The following GRM8 variants were observed in gnomAD, a reference collection of about 807,000 sequenced individuals.
GRM8 encodes metabotropic glutamate receptor 8.
In GRM8, 47 loss-of-function variants were observed where a neutral mutation model predicts 87.2. That is an observed-to-expected ratio of 0.54 (90% CI 0.43 to 0.69). GRM8 has a LOEUF of 0.69. Among genes scored for constraint, GRM8 ranks in the 30% least tolerant of loss-of-function variants. The probability of loss-of-function intolerance (pLI) is 0.00; values close to 1 mark genes in which losing one functional copy is unlikely to be tolerated. For synonymous variants in GRM8, 396 were observed against 404.5 expected (o/e 0.98, Z 0.25); for missense variants, 1,019 against 1,139.2 (o/e 0.89, Z 1.52).
intron 2 of GRM8, among the ~76,000 whole-genome samples, chr7:127,135,283 G>A (rs1827885508): frequency 6.6e-6 from 1 of 152,026 alleles, no homozygotes; most frequent in Admixed American, 6.6e-5. Context: ...ATAAATCTGA[G>A]CTTTGTGTAA....
chr7:127,016,964 TAAAAGAA>T (rs909611018), intron 3 of GRM8, among the ~76,000 whole-genome samples: 16 of 152,088 alleles, frequency 1.1e-4, no homozygotes, highest in Non-Finnish European at 1.8e-4. Context: ...CTATTTTCTA[TAAAAGAA>T]AAATGCCCAT....
intron 9 of GRM8, among the ~76,000 whole-genome samples, chr7:126,447,598 T>C (rs1247996201): frequency 6.6e-6 from 1 of 151,686 alleles, no homozygotes; most frequent in Non-Finnish European, 1.5e-5. Flanking sequence ...AAATAAAGAA[T>C]CAAAAACAAA....
chr7:126,825,642 GA>G (rs529660263), intron 6 of GRM8, among the ~76,000 whole-genome samples: 6 of 151,860 alleles, frequency 4.0e-5, no homozygotes, highest in Admixed American at 2.0e-4. Flanking sequence ...AACCTACCAA[GA>G]AAAAAAGTTG....
chr7:126,649,111 T>C (rs536938273), intron 7 of GRM8, among the ~76,000 whole-genome samples: 4 of 152,310 alleles, frequency 2.6e-5, no homozygotes, highest in Middle Eastern at 3.4e-3. Flanking sequence ...ATAAATGTGA[T>C]AACAGAGACA....
intron 7 of GRM8, among the ~76,000 whole-genome samples, chr7:126,681,225 C>T (rs756118743): frequency 2.0e-5 from 3 of 152,192 alleles, no homozygotes; most frequent in Non-Finnish European, 4.4e-5. Context: ...AGCTAGCCCA[C>T]TAGAACTCCC....
intron 9 of GRM8, among the ~76,000 whole-genome samples, chr7:126,526,385 T>C (rs559921909): frequency 6.6e-6 from 1 of 152,192 alleles, no homozygotes; most frequent in Non-Finnish European, 1.5e-5. Flanking sequence ...TCAATCATAT[T>C]CAGAAAGTTC....
intron 3 of GRM8, among the ~76,000 whole-genome samples, chr7:127,015,064 G>GAAGAAGAAGAAGAAGAAGAAGA: frequency 1.1e-5 from 1 of 87,926 alleles, no homozygotes; most frequent in Admixed American, 1.2e-4. Flanking sequence ...AGAAGAAGAA[G>GAAGAAGAAGAAGAAGAAGAAGA]AAGAAAGAAA....
At chr7:126,773,686 C>G (rs1271377040) in intron 6 of GRM8, among the ~76,000 whole-genome samples, 1 of 152,092 alleles carries the variant, frequency 6.6e-6, no homozygotes, top group Non-Finnish European at 1.5e-5. Context: ...TACATATACT[C>G]TTCCTCAGCA....
rs558802243 is a variant in GRM8 at position 126,533,141 on chromosome 7, G to C, written c.2241C>G (p.Leu747=). 6.8e-6 allele frequency: 11 copies of C among 1,613,026 alleles called. No homozygotes were observed. In the African/African-American group the frequency reaches 1.5e-4, roughly 22 times the overall value. ...TGTATCCAAGTGAACAAATGAGTGA[G>C]AGATCAGAAATGTCACACTTGAGCA... is the stretch of plus-strand genomic sequence containing the variant. ...RGVLKCDISD[L]SLICSLGYSI... Residue 747 remains leucine (L), a synonymous_variant, in exon 9 of 11, where the codon CTC becomes CTG. Transcript: ENST00000339582.
chr7:127,219,885 C>G (rs1300533664), intron 2 of GRM8, among the ~76,000 whole-genome samples: 1 of 152,178 alleles, frequency 6.6e-6, no homozygotes, highest in East Asian at 1.9e-4. Context: ...TGGGAGCAAA[C>G]AGACTCCTCC....
intron 2 of GRM8, among the ~76,000 whole-genome samples, chr7:127,162,615 G>A (rs1317644370): frequency 6.6e-6 from 1 of 152,162 alleles, no homozygotes; most frequent in East Asian, 1.9e-4. Context: ...AATAGTAAAA[G>A]GATTTATTTA....
chr7:127,214,331 A>G (rs368439999), intron 2 of GRM8, among the ~76,000 whole-genome samples: 2 of 152,302 alleles, frequency 1.3e-5, no homozygotes, highest in African/African-American at 4.8e-5. Flanking sequence ...ACATTAATTT[A>G]TGGAAATTCA....
intron 2 of GRM8, among the ~76,000 whole-genome samples, chr7:127,116,456 C>G (rs1173690946): frequency 6.6e-6 from 1 of 152,114 alleles, no homozygotes; most frequent in Non-Finnish European, 1.5e-5. Flanking sequence ...ACATGGTCCT[C>G]CCAGCCCCAT....
intron 9 of GRM8, among the ~76,000 whole-genome samples, chr7:126,474,484 G>T (rs1334173704): frequency 6.6e-6 from 1 of 152,102 alleles, no homozygotes; most frequent in Non-Finnish European, 1.5e-5. Flanking sequence ...GCCCAGGCTG[G>T]TCTTGAATTC....
chr7:127,133,154 T>C (rs1827777180), intron 2 of GRM8, among the ~76,000 whole-genome samples: 1 of 150,866 alleles, frequency 6.6e-6, no homozygotes, highest in Non-Finnish European at 1.5e-5. Flanking sequence ...GCGCGGTGGC[T>C]CACGCCTGTA....
chr7:126,935,585 C>T (rs1367033993), intron 3 of GRM8, among the ~76,000 whole-genome samples: 1 of 152,150 alleles, frequency 6.6e-6, no homozygotes, highest in Non-Finnish European at 1.5e-5. Flanking sequence ...AAGGCCAGAG[C>T]ATCAGATCTG....
At chr7:126,484,994 T>C (rs774393525) in intron 9 of GRM8, among the ~76,000 whole-genome samples, 1 of 152,012 alleles carries the variant, frequency 6.6e-6, no homozygotes, top group Non-Finnish European at 1.5e-5. Context: ...GCTTAAGTCA[T>C]ACTATGGACC....
chr7:126,572,420 C>T (rs1794761960), intron 8 of GRM8, among the ~76,000 whole-genome samples: 1 of 152,144 alleles, frequency 6.6e-6, no homozygotes. Flanking sequence ...TGAATGTCTA[C>T]ATGACAACAT....
At chr7:127,079,124 T>A (rs1385368075) in intron 3 of GRM8, among the ~76,000 whole-genome samples, 2 of 151,990 alleles carry the variant, frequency 1.3e-5, no homozygotes, top group African/African-American at 4.8e-5. Flanking sequence ...TTCTTTTTTC[T>A]TTCTTTCTTT....
Sources: gnomAD v4.1 joint callset for allele counts (sites outside exome capture counted in the v4.1 genomes callset) on GRCh38, gnomAD v4.1.1 for gene constraint, MANE v1.5 for transcripts, NCBI Gene and HGNC (gene_info 2026-07-23, HGNC 2026-07-21) for gene names.